Variants in ABCG8 observed in about 807,000 individuals in gnomAD.
The protein encoded by ABCG8 is ATP binding cassette subfamily G member 8.
In ABCG8, 81 loss-of-function variants were observed where a neutral mutation model predicts 71.3. The observed-to-expected ratio is 1.14, with a 90% CI of 0.95 to 1.37. The LOEUF (loss-of-function observed/expected upper bound fraction) is 1.37, where lower values mean the gene tolerates loss of function less well. ABCG8 is among the 40% of genes most tolerant of loss of function. The pLI is 0.00. For missense variants in ABCG8, 1,119 were observed against 866.2 expected (o/e 1.29, Z -3.66); for synonymous variants, 451 against 354.7 (o/e 1.27, Z -3.05).
At chr2:43,839,150 GT>G in intron 1 of ABCG8, 34 bp downstream of exon 1, 2 of 1,549,002 alleles carry the variant, frequency 1.3e-6, no homozygotes, top group African/African-American at 1.4e-5. Flanking sequence ...CCCAGGCCTG[GT>G]GGGCGGGTAG....
Position 43,877,851 on chromosome 2 carries a change from T to C in ABCG8, c.1960T>C (p.Phe654Leu). The C allele has an allele frequency of 6.2e-7, 1 of 1,614,118 alleles. No homozygotes were observed. The highest frequency in any genetic ancestry group is 8.5e-7 in the Non-Finnish European group (1 of 1,180,012). ...YLIVIGLSGG[F>L]MVLYYVSLRF... ...CATCGTCATTGGCCTCAGCGGTGGC[T>C]TCATGGTCCTGTACTACGTGTCCTT... Residue 654 changes from phenylalanine (F) to leucine (L), a missense_variant, in exon 13 of 13, where the codon TTC becomes CTC. By Grantham distance (22) the Phe-to-Leu change is conservative. Coordinates refer to ENST00000272286, the MANE Select transcript of ABCG8 (RefSeq NM_022437.3).
intron 6 of ABCG8, among the ~76,000 whole-genome samples, chr2:43,860,342 C>T (rs1031131080): frequency 1.3e-5 from 2 of 150,420 alleles, no homozygotes; most frequent in African/African-American, 2.4e-5. Context: ...CTGGATAGAA[C>T]TCTCACTATT....
intron 6 of ABCG8, among the ~76,000 whole-genome samples, chr2:43,866,809 C>G (rs192130804): frequency 2.7e-5 from 4 of 150,636 alleles, no homozygotes; most frequent in African/African-American, 9.8e-5. Flanking sequence ...GGATCTAGAA[C>G]TAGAAATACT....
rs532795034 is a variant in ABCG8 at position 43,878,655 on chromosome 2, G to C, written c.*742G>C. 8.4e-4 allele frequency: 131 copies of C among 155,804 alleles called. No individual in the cohort carries two copies. Among genetic ancestry groups the C allele is most frequent in the Non-Finnish European group, 1.4e-3 (96 of 70,190 alleles). 9.7% of individuals were successfully genotyped at this position (155,804 alleles called of 1,614,324 possible). On this transcript the variant is annotated 3_prime_UTR_variant, in exon 13 of 13. Coordinates refer to ENST00000272286, the MANE Select transcript of ABCG8 (RefSeq NM_022437.3). ...TTGGAGTTAGAGGGCAGAAGGCAAG[G>C]CCTGAGCCGCTGTAAGCCTTAGGAG...
intron 6 of ABCG8, among the ~76,000 whole-genome samples, chr2:43,858,701 A>C (rs778987583): frequency 5.3e-5 from 8 of 150,290 alleles, no homozygotes; most frequent in Non-Finnish European, 1.2e-4. Flanking sequence ...TAGAACTCTC[A>C]CTATCTGGAT....
At chr2:43,862,177 A>G (rs1669345754) in intron 6 of ABCG8, among the ~76,000 whole-genome samples, 1 of 150,542 alleles carries the variant, frequency 6.6e-6, no homozygotes, top group African/African-American at 2.4e-5. Context: ...TCTGGGTAGA[A>G]TTCTCACTAT....
intron 6 of ABCG8, among the ~76,000 whole-genome samples, chr2:43,861,279 T>C (rs1160644361): frequency 6.6e-6 from 1 of 151,312 alleles, no homozygotes; most frequent in African/African-American, 2.4e-5. Context: ...GAAAGAATGC[T>C]CACTATCTGT....
At chr2:43,873,676 A>C (rs187094907) in intron 8 of ABCG8, 111 bp from the exon 9 acceptor site, 3 of 1,074,592 alleles carry the variant, frequency 2.8e-6, no homozygotes, top group African/African-American at 3.1e-5. Context: ...AGGTATTACC[A>C]TCCCCATTTT....
intron 3 of ABCG8, chr2:43,847,894 G>A (rs1292804417): frequency 1.3e-5 from 2 of 151,742 alleles, no homozygotes; most frequent in Non-Finnish European, 1.5e-5. Flanking sequence ...CCAAGTAGCT[G>A]GGATTACAGG....
intron 6 of ABCG8, among the ~76,000 whole-genome samples, chr2:43,857,632 T>A: frequency 6.6e-6 from 1 of 151,826 alleles, no homozygotes; most frequent in African/African-American, 2.4e-5. Context: ...ACCACCTAGA[T>A]AGAACTCTCA....
At chr2:43,864,552 A>G (rs762165347) in intron 6 of ABCG8, among the ~76,000 whole-genome samples, 4 of 151,690 alleles carry the variant, frequency 2.6e-5, no homozygotes, top group African/African-American at 4.8e-5. Flanking sequence ...CTCCATCTGT[A>G]TAGAACTCTA....
chr2:43,841,579 G>A (rs1572818432), intron 1 of ABCG8, among the ~76,000 whole-genome samples: 1 of 152,188 alleles, frequency 6.6e-6, no homozygotes, highest in African/African-American at 2.4e-5. Context: ...TGAGCTGCCT[G>A]TGCAACTCCT....
chr2:43,873,542 T>C lies in ABCG8; in HGVS notation c.1212-245T>C, dbSNP rs189487966. 1.1e-3 allele frequency among the ~76,000 whole-genome samples: 174 copies of C among 152,272 alleles called. 1 individual carries two copies. The highest frequency in any genetic ancestry group is 8.6e-3 in the Admixed American group (132 of 15,286). On this transcript the variant is annotated intron_variant, in intron 8 of 12. Transcript: ENST00000272286. Reference sequence around the variant, plus strand: ...TTGATTTTTTCCTCAGGATCATTTCTTTGAGTAACATTGCCAAGCTGATAC... The same window carrying C: ...TTGATTTTTTCCTCAGGATCATTTCCTTGAGTAACATTGCCAAGCTGATAC...
Position 43,878,120 on chromosome 2 carries a change from A to T in ABCG8, c.*207A>T. ...TCGAAAGGGATTTCTGCTCACTGGC[A>T]GGAGACTGCGATGACTGGGAGAAAA... is the stretch of plus-strand genomic sequence containing the variant. On this transcript the variant is annotated 3_prime_UTR_variant, in exon 13 of 13. Coordinates refer to ENST00000272286, the MANE Select transcript of ABCG8 (RefSeq NM_022437.3). The T allele has an allele frequency of 1.4e-6, 1 of 698,752 alleles. No individual in the cohort carries two copies. The highest frequency in any genetic ancestry group is 2.8e-5 in the East Asian group (1 of 35,408). The allele number at this position is 698,752 out of a possible 1,614,324, so 43.3% of individuals were successfully genotyped here.
intron 6 of ABCG8, among the ~76,000 whole-genome samples, chr2:43,859,161 C>A (rs767743354): frequency 6.6e-6 from 1 of 151,254 alleles, no homozygotes; most frequent in Non-Finnish European, 1.5e-5. Flanking sequence ...AGAATTCTCA[C>A]TCTGTGGATA....
chr2:43,874,529 G>C (rs117574001), intron 10 of ABCG8, 46 bp downstream of exon 10: 4 of 1,482,512 alleles, frequency 2.7e-6, no homozygotes, highest in South Asian at 2.3e-5. Flanking sequence ...CCACCAGGGT[G>C]GGGGTAAGTG....
chr2:43,851,509 G>T (rs1251967701), intron 3 of ABCG8, 75 bp from the exon 4 acceptor site: 4 of 1,520,258 alleles, frequency 2.6e-6, no homozygotes, highest in Non-Finnish European at 2.7e-6. Flanking sequence ...CCTGGAGAGT[G>T]TATGGGGAGC....
Position 43,877,992 on chromosome 2 carries a change from T to G in ABCG8, c.*79T>G. ...CACTCCCTCCTCAGGAGCCCCTTCC[T>G]GGGGACAGTGAGGACAATGACCCTA... On this transcript the variant is annotated 3_prime_UTR_variant, in exon 13 of 13. Coordinates refer to ENST00000272286, the MANE Select transcript of ABCG8 (RefSeq NM_022437.3). The G allele has an allele frequency of 6.2e-7, 1 of 1,602,664 alleles. No individual in the cohort carries two copies. The highest frequency in any genetic ancestry group is 1.3e-5 in the African/African-American group (1 of 74,728).
At chr2:43,846,891 C>T (rs1031934317) in intron 3 of ABCG8, 7 of 179,656 alleles carry the variant, frequency 3.9e-5, no homozygotes, top group African/African-American at 1.4e-4. Context: ...TCATGTTCCA[C>T]CTTTCTTTCT....
Sources: gnomAD v4.1 joint callset for allele counts (sites outside exome capture counted in the v4.1 genomes callset) on GRCh38, gnomAD v4.1.1 for gene constraint, MANE v1.5 for transcripts, NCBI Gene and HGNC (gene_info 2026-07-23, HGNC 2026-07-21) for gene names.